The following SYT16 variants were observed in gnomAD, a reference collection of about 807,000 sequenced individuals.
SYT16 encodes synaptotagmin 16, also known as synaptotagmin-16.
SYT16 carries 42 observed loss-of-function variants against 61.4 expected under a neutral mutation model. That is an observed-to-expected ratio of 0.68 (90% CI 0.53 to 0.89). The LOEUF is 0.89. SYT16 is among the 40% of genes least tolerant of loss of function. The pLI is 0.00. For synonymous variants in SYT16, 314 were observed against 302.3 expected, an observed-to-expected ratio of 1.04 and a Z score of -0.40; for missense variants, 804 against 807.3, an observed-to-expected ratio of 1.00 and a Z score of 0.05.
chr14:62,058,925 G>A (rs897748245), intron 3 of SYT16, among the ~76,000 whole-genome samples: 9 of 152,148 alleles, frequency 5.9e-5, no homozygotes, highest in African/African-American at 1.2e-4. Flanking sequence ...TTGCTGGGAC[G>A]TGGGTGGAGC....
At chr14:61,844,017 AT>A (rs2046371817) in intron 1 of SYT16, among the ~76,000 whole-genome samples, 1 of 152,130 alleles carries the variant, frequency 6.6e-6, no homozygotes, top group African/African-American at 2.4e-5. Context: ...AGCAATGTTG[AT>A]TTTTCCAATC....
At chr14:61,865,165 G>C (rs1194908624) in intron 1 of SYT16, 1 of 1,216,528 alleles carries the variant, frequency 8.2e-7, no homozygotes, top group African/African-American at 1.5e-5. Flanking sequence ...TGCAGTTACT[G>C]GGCCCAGAGG....
intron 3 of SYT16, among the ~76,000 whole-genome samples, chr14:62,045,426 T>G (rs1247963793): frequency 6.6e-6 from 1 of 152,166 alleles, no homozygotes. Flanking sequence ...GTTGTTGGTC[T>G]GTATGTTTTG....
At chr14:61,830,303 T>C (rs2045899378) in intron 1 of SYT16, among the ~76,000 whole-genome samples, 1 of 152,230 alleles carries the variant, frequency 6.6e-6, no homozygotes, top group South Asian at 2.1e-4. Flanking sequence ...CTTTGGATTG[T>C]ATCCTAGACA....
intron 3 of SYT16, among the ~76,000 whole-genome samples, chr14:62,024,903 G>A (rs563077535): frequency 2.8e-4 from 42 of 151,870 alleles, no homozygotes; most frequent in Admixed American, 4.6e-4. Flanking sequence ...GGTGTTTCAC[G>A]TGGGCTTTTT....
At chr14:62,055,328 G>A (rs758090279) in intron 3 of SYT16, among the ~76,000 whole-genome samples, 47 of 152,210 alleles carry the variant, frequency 3.1e-4, no homozygotes, top group Admixed American at 5.2e-4. Flanking sequence ...GAGGCTGACA[G>A]TTTCACACTT....
intron 1 of SYT16, among the ~76,000 whole-genome samples, chr14:61,832,723 C>G (rs781724056): frequency 2.1e-4 from 32 of 152,150 alleles, no homozygotes; most frequent in Admixed American, 3.9e-4. Context: ...CATGCGTGAG[C>G]CACCGTGCCC....
At chr14:61,866,669 T>G (rs537103735) in intron 1 of SYT16, among the ~76,000 whole-genome samples, 10 of 152,282 alleles carry the variant, frequency 6.6e-5, no homozygotes, top group Non-Finnish European at 1.3e-4. Context: ...AAGTTCTTTG[T>G]CAGATATGTA....
intron 3 of SYT16, among the ~76,000 whole-genome samples, chr14:62,039,260 C>T (rs578029068): frequency 7.9e-5 from 12 of 152,304 alleles, no homozygotes; most frequent in Middle Eastern, 3.4e-3. Context: ...CCTGCAGCTG[C>T]AGGGAACTTG....
At chr14:61,904,405 C>T (rs971888314) in intron 1 of SYT16, among the ~76,000 whole-genome samples, 25 of 152,160 alleles carry the variant, frequency 1.6e-4, no homozygotes, top group Non-Finnish European at 3.1e-4. Context: ...ATGTGAAATG[C>T]AAACCTGGGA....
At chr14:61,975,622 C>A (rs1262995606) in intron 2 of SYT16, among the ~76,000 whole-genome samples, 1 of 152,130 alleles carries the variant, frequency 6.6e-6, no homozygotes, top group East Asian at 1.9e-4. Flanking sequence ...ATCATTAGAA[C>A]AGCATGAGAG....
intron 1 of SYT16, among the ~76,000 whole-genome samples, chr14:61,820,638 T>G (rs574226464): frequency 6.6e-6 from 1 of 152,070 alleles, no homozygotes; most frequent in Non-Finnish European, 1.5e-5. Flanking sequence ...CCTGCCACCA[T>G]GCCCAGCTAA....
At chr14:61,918,910 G>C (rs755037305) in intron 1 of SYT16, among the ~76,000 whole-genome samples, 5 of 152,172 alleles carry the variant, frequency 3.3e-5, no homozygotes, top group African/African-American at 7.2e-5. Flanking sequence ...AAATGTAGAG[G>C]AGAGAATCAG....
At chr14:61,869,111 T>A (rs1166188482) in intron 1 of SYT16, among the ~76,000 whole-genome samples, 1 of 152,076 alleles carries the variant, frequency 6.6e-6, no homozygotes, top group Non-Finnish European at 1.5e-5. Context: ...TCGGTTAGTT[T>A]TAGTGTGGTT....
chr14:62,011,920 C>CATATATATAT (rs1165099592), intron 3 of SYT16, among the ~76,000 whole-genome samples: 1 of 104,594 alleles, frequency 9.6e-6, no homozygotes, highest in African/African-American at 4.2e-5. Context: ...TATACACACA[C>CATATATATAT]ACACACATAT....
chr14:62,075,183 G>T lies in SYT16; in HGVS notation c.785G>T (p.Gly262Val), dbSNP rs759162330. ...QRRYSENLSY[G>V]EDDHIPAHSQ... Reference sequence around the variant, plus strand: ...CGTTATTCTGAGAATCTCTCCTACGGTGAAGATGACCACATCCCTGCTCAC... The same window carrying T: ...CGTTATTCTGAGAATCTCTCCTACGTTGAAGATGACCACATCCCTGCTCAC... The change falls in exon 5 of 8, where the codon GGT becomes GTT. Residue 262 changes from glycine (G) to valine (V), a missense_variant. Physicochemically the swap from Gly to Val is moderately radical, Grantham distance 109. Transcript: ENST00000683842. 4 of 1,612,950 alleles carry T rather than the reference G, an allele frequency of 2.5e-6. No individual in the cohort carries two copies. The South Asian group carries it at 4.4e-5, about 18-fold the overall frequency.
Position 62,075,231 on chromosome 14 carries a change from G to A in SYT16, c.833G>A (p.Gly278Glu), listed in dbSNP as rs748417706. 1.2e-6 allele frequency: 2 copies of A among 1,613,638 alleles called. No individual in the cohort carries two copies. The highest frequency in any genetic ancestry group is 1.7e-5 in the Admixed American group (1 of 59,948). The change falls in exon 5 of 8, where the codon GGG becomes GAG. Residue 278 changes from glycine to glutamate, a missense_variant. Physicochemically the swap from Gly to Glu is moderately conservative, Grantham distance 98. Coordinates refer to ENST00000683842, the MANE Select transcript of SYT16 (RefSeq NM_001367656.1). ...CACTCACAGTCCCCATGTGAAAGAG[G>A]GGATGCCAAACACCACGGCACATCT... Reference protein sequence around the residue: ...PAHSQSPCERGDAKHHGTSHQ... With the variant: ...PAHSQSPCEREDAKHHGTSHQ...
chr14:61,881,682 G>A (rs2047704152), intron 1 of SYT16, among the ~76,000 whole-genome samples: 1 of 152,160 alleles, frequency 6.6e-6, no homozygotes, highest in African/African-American at 2.4e-5. Context: ...TTAGTCCAGT[G>A]TTGACAGTAG....
chr14:62,025,937 A>G (rs1358903463), intron 3 of SYT16, among the ~76,000 whole-genome samples: 2 of 152,172 alleles, frequency 1.3e-5, no homozygotes, highest in Admixed American at 6.5e-5. Context: ...ATCAAATGAT[A>G]CATATTAATT....
Sources: allele counts gnomAD v4.1 joint callset (sites outside exome capture counted in the v4.1 genomes callset), GRCh38; gene constraint gnomAD v4.1.1; transcripts MANE v1.5; gene names NCBI Gene and HGNC (gene_info 2026-07-23, HGNC 2026-07-21).